Variants in MED13 observed in about 807,000 individuals in gnomAD.
MED13 encodes mediator complex subunit 13.
In MED13, 23 loss-of-function variants were observed where a neutral mutation model predicts 225.2. The observed-to-expected ratio is 0.10, with a 90% CI of 0.07 to 0.14. MED13 has a LOEUF of 0.14. MED13 is among the 10% of genes least tolerant of loss of function. The pLI is 1.00. For synonymous variants in MED13, 942 were observed against 889.2 expected (o/e 1.06, Z -1.06); for missense variants, 2,197 against 2,594.5 (o/e 0.85, Z 3.33).
At position 61,982,937 on chromosome 17, in the gene MED13, ACGAGGAGTC is replaced by A. The variant is rs766380095; in HGVS notation, c.3057_3065del (p.Thr1020_Arg1022del). 2 of 1,614,142 alleles carry A rather than the reference ACGAGGAGTC, an allele frequency of 1.2e-6. No individual in the cohort carries two copies. Among genetic ancestry groups the A allele is most frequent in the East Asian group, 2.2e-5 (1 of 44,880 alleles). On this transcript the variant is annotated inframe_deletion, in exon 16 of 30. Coordinates refer to ENST00000397786, the MANE Select transcript of MED13 (RefSeq NM_005121.3). Reference sequence around the variant, plus strand: ...GAGCACTAGCAGGTCCACCAGCTCCACGAGGAGTCCGAGGAGTCCTTGGAGTCCTTGGAG... The same window carrying A: ...GAGCACTAGCAGGTCCACCAGCTCCACGAGGAGTCCTTGGAGTCCTTGGAG...
At chr17:61,976,752 T>C (rs1455087353) in intron 16 of MED13, among the ~76,000 whole-genome samples, 2 of 151,930 alleles carry the variant, frequency 1.3e-5, no homozygotes, top group Non-Finnish European at 2.9e-5. Flanking sequence ...GGCTAACACG[T>C]TGAAACCCGT....
chr17:62,027,865 A>AT lies in MED13; in HGVS notation c.1283+1675dup, dbSNP rs553115739. 3.8e-3 allele frequency among the ~76,000 whole-genome samples: 582 copies of AT among 152,352 alleles called. 5 individuals are homozygous for AT. Among genetic ancestry groups the AT allele is most frequent in the African/African-American group, 0.013 (547 of 41,586 alleles). On this transcript the variant is annotated intron_variant, in intron 8 of 29. Coordinates refer to ENST00000397786, the MANE Select transcript of MED13 (RefSeq NM_005121.3). Reference sequence around the variant, plus strand: ...AAATGCAAATCAAAACCATAATGAGATAACATCTCACACCAGTCAGAATGG... The same window carrying AT: ...AAATGCAAATCAAAACCATAATGAGATTAACATCTCACACCAGTCAGAATGG...
At position 61,945,967 on chromosome 17, in the gene MED13, T is replaced by A. The variant is rs1320979900; in HGVS notation, c.*501A>T. ...GGCAGTATAAACCTTCTAGGAAAAT[T>A]TTTATAAAAGAGGTTAAGAAATATA... On this transcript the variant is annotated 3_prime_UTR_variant, in exon 30 of 30. Transcript: ENST00000397786. 6.6e-6 allele frequency: 1 copy of A among 152,606 alleles called. No homozygotes were observed. The highest frequency in any genetic ancestry group is 2.4e-5 in the African/African-American group (1 of 41,422). The allele number at this position is 152,606 out of a possible 1,614,324, so 9.5% of individuals were successfully genotyped here. A position where few individuals can be genotyped will look rare whatever the true frequency, so the allele number is the denominator to read the frequency against.
chr17:61,975,382 T>A (rs2080145652), intron 16 of MED13, among the ~76,000 whole-genome samples: 1 of 152,116 alleles, frequency 6.6e-6, no homozygotes, highest in Admixed American at 6.5e-5. Flanking sequence ...ATTAGGGAAA[T>A]GCAGATGAAA....
intron 9 of MED13, chr17:62,005,424 G>C (rs2080437324): frequency 6.6e-6 from 1 of 152,110 alleles, no homozygotes. Flanking sequence ...TCGCCAACAT[G>C]GTGAAACCTG....
intron 8 of MED13, among the ~76,000 whole-genome samples, chr17:62,027,926 C>T (rs1012975943): frequency 6.6e-6 from 1 of 151,990 alleles, no homozygotes; most frequent in African/African-American, 2.4e-5. Flanking sequence ...CAGATGCTGG[C>T]GAGGTTGAGA....
chr17:62,065,057 A>T, intron 1 of MED13, 83 bp downstream of exon 1: 1 of 1,296,518 alleles, frequency 7.7e-7, no homozygotes, highest in Non-Finnish European at 1.0e-6. Context: ...GGGCATCTGG[A>T]CCAGACCCGG....
rs1385636808 is a variant in MED13, at chr17:61,943,785, A to G, written c.*2683T>C. ...GGCTGGAAGCAGACATTATATAACT[A>G]ATCTTTTTAAATGACAAAATACTGA... On this transcript the variant is annotated 3_prime_UTR_variant, in exon 30 of 30. Coordinates refer to ENST00000397786, the MANE Select transcript of MED13 (RefSeq NM_005121.3). 6.6e-6 allele frequency: 1 copy of G among 152,592 alleles called. No homozygotes were observed. The highest frequency in any genetic ancestry group is 1.5e-5 in the Non-Finnish European group (1 of 67,994). The allele number at this position is 152,592 out of a possible 1,614,324, so 9.5% of individuals were successfully genotyped here. A position where few individuals can be genotyped will look rare whatever the true frequency, so the allele number is the denominator to read the frequency against.
At chr17:61,952,469 C>A (rs2079904731) in intron 27 of MED13, among the ~76,000 whole-genome samples, 1 of 152,026 alleles carries the variant, frequency 6.6e-6, no homozygotes. Context: ...TGAACTGCCA[C>A]AAAAACTACA....
At chr17:61,954,351 G>A (rs2079923045) in intron 26 of MED13, among the ~76,000 whole-genome samples, 1 of 152,048 alleles carries the variant, frequency 6.6e-6, no homozygotes, top group Non-Finnish European at 1.5e-5. Flanking sequence ...CCCTACTTTG[G>A]CAGTTTATAT....
chr17:62,028,201 C>A (rs1464990004), intron 8 of MED13, among the ~76,000 whole-genome samples: 1 of 152,096 alleles, frequency 6.6e-6, no homozygotes, highest in Non-Finnish European at 1.5e-5. Flanking sequence ...ACATATACAC[C>A]ATGGAATACT....
intron 17 of MED13, among the ~76,000 whole-genome samples, chr17:61,972,034 T>C (rs1239343150): frequency 1.3e-5 from 2 of 152,200 alleles, no homozygotes; most frequent in Middle Eastern, 3.2e-3. Flanking sequence ...TTAAATTATT[T>C]AGCCATTAAA....
rs915029866 is a variant in MED13, at chr17:62,030,294, G to A, written c.1010-281C>T. 10 of 294,246 alleles carry A rather than the reference G, an allele frequency of 3.4e-5. No individual in the cohort carries two copies. The East Asian group carries it at 5.1e-4, about 15-fold the overall frequency. The allele number at this position is 294,246 out of a possible 1,614,324, so 18.2% of individuals were successfully genotyped here. On this transcript the variant is annotated intron_variant, in intron 6 of 29. Transcript: ENST00000397786. ...GGTGGCGTGTCGGGGGAGGTGGGCT[G>A]AGGGCAAGGAAGGAGGTGTCCCATG...
chr17:61,970,395 C>T (rs2080096452), intron 17 of MED13, among the ~76,000 whole-genome samples: 1 of 151,976 alleles, frequency 6.6e-6, no homozygotes, highest in African/African-American at 2.4e-5. Context: ...ACTGATATTA[C>T]AGGGGCTGGG....
Position 62,014,310 on chromosome 17 carries a change from T to TATATATATATATATATA in MED13, c.1284-3078_1284-3077insTATATATATATATATAT, listed in dbSNP as rs1555638734. Among the ~76,000 whole-genome samples, 866 of 143,002 alleles carry TATATATATATATATATA rather than the reference T, an allele frequency of 6.1e-3. 20 individuals are homozygous for TATATATATATATATATA. Among genetic ancestry groups the TATATATATATATATATA allele is most frequent in the African/African-American group, 0.022 (814 of 37,094 alleles). 93.8% of individuals were successfully genotyped at this position (143,002 alleles called of 152,430 possible). On this transcript the variant is annotated intron_variant, in intron 8 of 29. Coordinates refer to ENST00000397786, the MANE Select transcript of MED13 (RefSeq NM_005121.3). ...ATGATGGGAAGTTCTGTATATGTTT[T>TATATATATATATATATA]TATATATATATATATATATATTTTG...
Position 61,946,604 on chromosome 17 carries a change from A to G in MED13, c.6393-4T>C. ...ATTGTACTGTTCCAAAACAAACCTG[A>G]AAAGCAAATAAACTGCATAAGTCAT... On this transcript the variant is annotated splice_polypyrimidine_tract_variant and splice_region_variant and intron_variant, in intron 29 of 29. Transcript: ENST00000397786. 1 of 1,608,718 alleles carries G rather than the reference A, an allele frequency of 6.2e-7. No homozygotes were observed. Among genetic ancestry groups the G allele is most frequent in the South Asian group, 1.1e-5 (1 of 89,816 alleles).
intron 2 of MED13, among the ~76,000 whole-genome samples, chr17:62,062,561 C>G (rs1236901655): frequency 2.7e-5 from 4 of 149,534 alleles, no homozygotes; most frequent in African/African-American, 9.9e-5. Flanking sequence ...ATGACAATAA[C>G]AAAATACATG....
At chr17:61,988,227 C>T (rs2143486136) in intron 11 of MED13, among the ~76,000 whole-genome samples, 2 of 152,242 alleles carry the variant, frequency 1.3e-5, no homozygotes, top group African/African-American at 4.8e-5. Flanking sequence ...TGGTAATGTG[C>T]TTCGCCCAGT....
At chr17:62,051,375 T>C (rs940381147) in intron 3 of MED13, among the ~76,000 whole-genome samples, 1 of 152,152 alleles carries the variant, frequency 6.6e-6, no homozygotes, top group Non-Finnish European at 1.5e-5. Context: ...TTTGAATCCT[T>C]GATGACATTA....
Sources: allele counts gnomAD v4.1 joint callset (sites outside exome capture counted in the v4.1 genomes callset), GRCh38; gene constraint gnomAD v4.1.1; transcripts MANE v1.5; gene names NCBI Gene and HGNC (gene_info 2026-07-23, HGNC 2026-07-21).